CLEC11A: variants seen among roughly 807,000 people sequenced by gnomAD.
CLEC11A encodes C-type lectin domain family 11 member A.
CLEC11A carries 35 observed loss-of-function variants against 33.9 expected under a neutral mutation model. The observed-to-expected ratio is 1.03, with a 90% CI of 0.79 to 1.37. The LOEUF (loss-of-function observed/expected upper bound fraction) is 1.37. CLEC11A is among the 40% of genes most tolerant of loss of function. The pLI is 0.00. For missense variants in CLEC11A, 519 were observed against 455.5 expected, an observed-to-expected ratio of 1.14 and a Z score of -1.27; for synonymous variants, 220 against 202.2, an observed-to-expected ratio of 1.09 and a Z score of -0.75.
Position 50,724,295 on chromosome 19 carries a change from G to GCCCCCCCCCCCCCCAC in CLEC11A, c.335-107_335-106insCCCCCCACCCCCCCCC. 1 of 1,130,928 alleles carries GCCCCCCCCCCCCCCAC rather than the reference G, an allele frequency of 8.8e-7. No individual in the cohort carries two copies. The highest frequency in any genetic ancestry group is 1.2e-6 in the Non-Finnish European group (1 of 830,046). 70.1% of individuals were successfully genotyped at this position (1,130,928 alleles called of 1,614,324 possible). ...ACCCTACCTTCCAGGAGTCCGGGGT[G>GCCCCCCCCCCCCCCAC]CCCCCCCCACCGCCACCCCGCCCTC... On this transcript the variant is annotated intron_variant, in intron 2 of 3. Coordinates refer to ENST00000250340, the MANE Select transcript of CLEC11A (RefSeq NM_002975.3). This position sits in a 1 kb window ranked among gnomAD's most constrained non-coding sequence, Gnocchi z 4.1.
chr19:50,724,223 G>C lies in CLEC11A; in HGVS notation c.334+132G>C. The C allele has an allele frequency of 6.9e-7, 1 of 1,447,404 alleles. No homozygotes were observed. The highest frequency in any genetic ancestry group is 1.4e-5 in the African/African-American group (1 of 70,024). The allele number at this position is 1,447,404 out of a possible 1,614,324, so 89.7% of individuals were successfully genotyped here. On this transcript the variant is annotated intron_variant, in intron 2 of 3. Transcript: ENST00000250340. This position sits in a 1 kb window ranked among gnomAD's most constrained non-coding sequence, Gnocchi z 4.1. ...CCAGCCCAGAGCCCCCACACCCCTA[G>C]GAGCCCCAGGTCCACGGCCATGCCT... is the stretch of plus-strand genomic sequence containing the variant.
Sources: gnomAD v4.1 joint callset for allele counts on GRCh38, gnomAD v4.1.1 for gene constraint, Gnocchi (gnomAD v3.1) non-coding constraint, MANE v1.5 for transcripts, NCBI Gene and HGNC (gene_info 2026-07-23, HGNC 2026-07-21) for gene names.